Variants in SULT1A1 observed in about 807,000 individuals in gnomAD.
SULT1A1 encodes sulfotransferase 1A1.
A neutral mutation model predicts 36.8 loss-of-function variants in SULT1A1; 35 were observed. That is an observed-to-expected ratio of 0.95 (90% CI 0.73 to 1.26). SULT1A1 has a LOEUF of 1.26. Ranked by LOEUF, SULT1A1 falls within the 50% of genes most tolerant of loss-of-function variation. The pLI is 0.00. For missense variants in SULT1A1, 309 were observed against 383.0 expected (o/e 0.81, Z 1.61); for synonymous variants, 119 against 146.0 (o/e 0.82, Z 1.33).
chr16:28,618,493 G>A (rs1450384766), intron 2 of SULT1A1, among the ~76,000 whole-genome samples: 5 of 151,568 alleles, frequency 3.3e-5, no homozygotes, highest in South Asian at 2.1e-4. Flanking sequence ...CTACAGGCTC[G>A]TACCACCATG....
At position 28,606,325 on chromosome 16, in the gene SULT1A1, C is replaced by G. The variant is rs1258667338; in HGVS notation, c.595-89G>C. 5 of 1,591,778 alleles carry G rather than the reference C, an allele frequency of 3.1e-6. 1 individual carries two copies. The highest frequency in any genetic ancestry group is 4.3e-6 in the Non-Finnish European group (5 of 1,166,816). The stretch of plus-strand genomic sequence containing the variant: ...CCCCTTCTCTAACCTCAGAGGCGAT[C>G]TGGCCACTTCTCCTAGAAACCCTGC... On this transcript the variant is annotated intron_variant, in intron 6 of 7. Transcript: ENST00000314752.
chr16:28,607,344 G>T, intron 4 of SULT1A1: 1 of 573,340 alleles, frequency 1.7e-6, no homozygotes, highest in Non-Finnish European at 2.8e-6. Flanking sequence ...TCCACCAGCC[G>T]TGATCCCACC....
chr16:28,610,164 G>A (rs376297074), upstream of SULT1A1: 5 of 1,285,140 alleles, frequency 3.9e-6, no homozygotes, highest in African/African-American at 3.0e-5. Context: ...CAAGCTTAAA[G>A]TGATCTCCAA....
chr16:28,615,476 C>T (rs972585837), intron 2 of SULT1A1, among the ~76,000 whole-genome samples: 6 of 145,400 alleles, frequency 4.1e-5, no homozygotes, highest in African/African-American at 1.5e-4. Flanking sequence ...CCCTCTACCA[C>T]CAGGAGACAC....
chr16:28,606,105 G>A lies in SULT1A1; in HGVS notation c.726C>T (p.Thr242=), dbSNP rs377189659. ...MKKNPMTNYT[T]VPQEFMDHSI... ...TGTGGTCCATGAACTCCTGGGGGAC[G>A]GTGGTGTAGTTGGTCATAGGGTTCT... is the stretch of plus-strand genomic sequence containing the variant. Residue 242 remains threonine, a synonymous_variant, in exon 7 of 8, where the codon ACC becomes ACT. Coordinates refer to ENST00000314752, the MANE Select transcript of SULT1A1 (RefSeq NM_001055.4). 64 of 1,611,036 alleles carry A rather than the reference G, an allele frequency of 4.0e-5. 1 individual carries two copies. The highest frequency in any genetic ancestry group is 6.7e-5 in the African/African-American group (5 of 74,728).
At chr16:28,620,381 C>A (rs1315144020) in intron 1 of SULT1A1, among the ~76,000 whole-genome samples, 1 of 151,678 alleles carries the variant, frequency 6.6e-6, no homozygotes. Context: ...GCCTGGGCAA[C>A]AGGGCAAAAC....
intron 1 of SULT1A1, chr16:28,609,237 C>T: frequency 7.9e-7 from 1 of 1,272,328 alleles, no homozygotes; most frequent in Middle Eastern, 3.1e-4. Flanking sequence ...CAGCCAGCGC[C>T]CTTTGTCTCA....
chr16:28,622,144 C>T (rs1596658063), intron 1 of SULT1A1, among the ~76,000 whole-genome samples: 1 of 152,198 alleles, frequency 6.6e-6, no homozygotes. Context: ...TACATGCAAT[C>T]ATGCACCCTC....
chr16:28,608,363 C>A lies in SULT1A1; in HGVS notation c.300G>T (p.Pro100=), dbSNP rs1041986. The change falls in exon 4 of 8, where the codon CCG becomes CCT. Residue 100 remains proline, a synonymous_variant. Transcript: ENST00000314752. ...GGTGTGTCTTCAGGAGTCGTGGGGCCGGTGTGTCTTTCAGAGTCTCCATCC... is the reference window on the plus strand; with the variant it reads ...GGTGTGTCTTCAGGAGTCGTGGGGCAGGTGTGTCTTTCAGAGTCTCCATCC... ...PSGMETLKDT[P]APRLLKTHLP... is the part of the protein sequence containing the mutation. The A allele has an allele frequency of 6.2e-7, 1 of 1,612,266 alleles. No individual in the cohort carries two copies.
intron 2 of SULT1A1, among the ~76,000 whole-genome samples, chr16:28,616,561 T>A (rs1388062395): frequency 1.3e-5 from 2 of 152,160 alleles, no homozygotes; most frequent in Non-Finnish European, 2.9e-5. Flanking sequence ...GTGGTGAGAT[T>A]ACAGGTGTGA....
chr16:28,623,371 G>C (rs530114517), exon 1 of SULT1A1: 34 of 1,475,298 alleles, frequency 2.3e-5, no homozygotes, highest in Admixed American at 1.6e-4. Context: ...AGCGAGCTAC[G>C]GCACGCTCGT....
chr16:28,619,859 T>G (rs551293663), intron 2 of SULT1A1, among the ~76,000 whole-genome samples: 2 of 151,756 alleles, frequency 1.3e-5, no homozygotes, highest in African/African-American at 4.8e-5. Context: ...ATGTGTCAAT[T>G]AAAACATTTT....
At chr16:28,620,563 CAAAAAA>C (rs5816469) in intron 1 of SULT1A1, among the ~76,000 whole-genome samples, 2 of 90,820 alleles carry the variant, frequency 2.2e-5, no homozygotes, top group South Asian at 3.7e-4. Flanking sequence ...GACCCTGTCT[CAAAAAA>C]AAAAAAAAAA....
chr16:28,620,886 G>A (rs1203940441), intron 1 of SULT1A1, among the ~76,000 whole-genome samples: 1 of 151,868 alleles, frequency 6.6e-6, no homozygotes, highest in Non-Finnish European at 1.5e-5. Context: ...TGAGGCGAGC[G>A]GATCACCTGA....
intron 2 of SULT1A1, among the ~76,000 whole-genome samples, chr16:28,618,042 CTTT>C (rs11357624): frequency 2.9e-5 from 4 of 139,452 alleles, no homozygotes; most frequent in Non-Finnish European, 1.5e-5. Flanking sequence ...ACTTCCTGCT[CTTT>C]TTTTTTTTTT....
chr16:28,615,655 G>T (rs1279213107), intron 2 of SULT1A1, among the ~76,000 whole-genome samples: 1 of 152,162 alleles, frequency 6.6e-6, no homozygotes, highest in South Asian at 2.1e-4. Context: ...TTGGGCCCGG[G>T]TGACCACTAC....
intron 2 of SULT1A1, among the ~76,000 whole-genome samples, chr16:28,618,238 G>C (rs2047583562): frequency 6.7e-6 from 1 of 150,034 alleles, no homozygotes; most frequent in South Asian, 2.1e-4. Context: ...GGGTCTCACT[G>C]TGTTGCGCAG....
upstream of SULT1A1, chr16:28,610,264 GTTTTTTTTT>G (rs538720119): frequency 3.9e-3 from 1,355 of 349,324 alleles, 3 homozygotes; most frequent in Non-Finnish European, 4.8e-3. Context: ...TTTTTTTTCT[GTTTTTTTTT>G]TTTTTTTTTT....
intron 1 of SULT1A1, chr16:28,609,310 A>T: frequency 7.8e-7 from 1 of 1,278,982 alleles, no homozygotes; most frequent in Non-Finnish European, 1.0e-6. Context: ...TGAGCCCCTC[A>T]GCCCCTCACA....
Sources: gnomAD v4.1 joint callset for allele counts (sites outside exome capture counted in the v4.1 genomes callset) on GRCh38, gnomAD v4.1.1 for gene constraint, MANE v1.5 for transcripts, NCBI Gene and HGNC (gene_info 2026-07-23, HGNC 2026-07-21) for gene names.